Variants in MAD2L1BP observed in about 807,000 individuals in gnomAD.
The protein encoded by MAD2L1BP is MAD2L1-binding protein.
In MAD2L1BP, 22 loss-of-function variants were observed where a neutral mutation model predicts 28.4. The observed-to-expected ratio is 0.77, with a 90% CI of 0.55 to 1.10. The LOEUF (loss-of-function observed/expected upper bound fraction) is 1.10, where lower values mean the gene tolerates loss of function less well. Among genes scored for constraint, MAD2L1BP ranks in the 50% least tolerant of loss-of-function variants. MAD2L1BP has a pLI of 0.00. For missense variants in MAD2L1BP, 325 were observed against 350.5 expected, an observed-to-expected ratio of 0.93 and a Z score of 0.58; for synonymous variants, 146 against 133.7, an observed-to-expected ratio of 1.09 and a Z score of -0.63.
exon 1 of MAD2L1BP, chr6:43,629,699 T>A (rs1769773346): frequency 6.5e-7 from 1 of 1,546,300 alleles, no homozygotes; most frequent in African/African-American, 1.4e-5. Context: ...GAACTGAGGC[T>A]ACTGGTGCCG....
At chr6:43,633,172 CTT>C (rs547697381), upstream of MAD2L1BP, 7,204 of 374,800 alleles carry the variant, frequency 0.019, no homozygotes, top group East Asian at 0.028. Context: ...AATCATTGTA[CTT>C]TTTTTTTTTT....
intron 1 of MAD2L1BP, among the ~76,000 whole-genome samples, chr6:43,630,360 A>T (rs761933032): frequency 3.9e-5 from 6 of 152,158 alleles, no homozygotes; most frequent in Non-Finnish European, 5.9e-5. Flanking sequence ...TCACAGCCGC[A>T]TGGCTGTCTC....
chr6:43,629,662 A>C, exon 1 of MAD2L1BP: 1 of 1,402,172 alleles, frequency 7.1e-7, no homozygotes, highest in East Asian at 2.5e-5. Context: ...GATCCTAGAC[A>C]ACAGGTTTTG....
At chr6:43,636,225 C>T (rs1770210794) in intron 1 of MAD2L1BP, among the ~76,000 whole-genome samples, 156 bp from the exon 2 acceptor site, 1 of 152,216 alleles carries the variant, frequency 6.6e-6, no homozygotes, top group Admixed American at 6.5e-5. Context: ...GAATCTCTCC[C>T]TGCCACGGCC....
chr6:43,636,246 G>A (rs1770212144), intron 1 of MAD2L1BP, 135 bp from the exon 2 acceptor site: 1 of 811,296 alleles, frequency 1.2e-6, no homozygotes, highest in African/African-American at 1.7e-5. Context: ...CATACTGTAG[G>A]CTGCGGAGGA....
chr6:43,636,320 G>A (rs1355260783), intron 1 of MAD2L1BP, 61 bp from the exon 2 acceptor site: 9 of 1,578,438 alleles, frequency 5.7e-6, no homozygotes, highest in Non-Finnish European at 6.9e-6. Context: ...CAGGGAATGA[G>A]AAGACTGACT....
chr6:43,630,741 TAAAAA>T (rs200805129), intron 1 of MAD2L1BP, among the ~76,000 whole-genome samples: 3,346 of 118,958 alleles, frequency 0.028, 67 homozygotes, highest in South Asian at 0.09. Context: ...AGACTCCAAC[TAAAAA>T]AAAAAAAAAA....
upstream of MAD2L1BP, chr6:43,635,812 G>C: frequency 7.0e-7 from 1 of 1,423,082 alleles, no homozygotes; most frequent in South Asian, 1.5e-5. Context: ...GGAGGCGCGG[G>C]CTTCCCATGA....
At chr6:43,634,487 GAATGGTAC>G (rs1205655852), upstream of MAD2L1BP, among the ~76,000 whole-genome samples, 6 of 152,040 alleles carry the variant, frequency 3.9e-5, no homozygotes, top group African/African-American at 1.4e-4. Context: ...CTCTGTCATT[GAATGGTAC>G]AATTTCCCAT....
At chr6:43,638,128 C>T (rs1221276992) in intron 2 of MAD2L1BP, among the ~76,000 whole-genome samples, 1 of 152,090 alleles carries the variant, frequency 6.6e-6, no homozygotes, top group Non-Finnish European at 1.5e-5. Context: ...AAACTCCTGA[C>T]CTCAAGTGAT....
intron 1 of MAD2L1BP, 88 bp from the exon 2 acceptor site, chr6:43,636,293 G>A: frequency 7.2e-7 from 1 of 1,384,998 alleles, no homozygotes; most frequent in Non-Finnish European, 1.0e-6. Context: ...TTTTCAGGGT[G>A]GCTGGTTTGT....
chr6:43,638,864 T>G (rs1307477280), intron 2 of MAD2L1BP, among the ~76,000 whole-genome samples: 1 of 152,068 alleles, frequency 6.6e-6, no homozygotes, highest in African/African-American at 2.4e-5. Flanking sequence ...GCTGATAGAC[T>G]TCACTATAAG....
At chr6:43,635,756 C>A, upstream of MAD2L1BP, 1 of 1,032,992 alleles carries the variant, frequency 9.7e-7, no homozygotes, top group Non-Finnish European at 1.3e-6. Flanking sequence ...CTCCCCCACA[C>A]TGCGGCGACG....
At chr6:43,637,455 T>C (rs1770300406) in intron 2 of MAD2L1BP, among the ~76,000 whole-genome samples, 1 of 147,926 alleles carries the variant, frequency 6.8e-6, no homozygotes, top group Non-Finnish European at 1.5e-5. Context: ...AGACAGAGTC[T>C]CGCCTTGTCA....
chr6:43,640,195 G>A lies in MAD2L1BP; in HGVS notation c.487G>A (p.Glu163Lys), dbSNP rs375778237. Residue 163 changes from glutamate to lysine, a missense_variant, in exon 3 of 3, where the codon GAG becomes AAG. By Grantham distance (56) the Glu-to-Lys change is moderately conservative. Transcript: ENST00000372171. Reference sequence around the variant, plus strand: ...TGGGGGCAATGCCCTAAGCCCCAAGGAGTTCTATGAACTCGACTTGTCTCT... The same window carrying A: ...TGGGGGCAATGCCCTAAGCCCCAAGAAGTTCTATGAACTCGACTTGTCTCT... ...LLGGNALSPK[E>K]FYELDLSLLA... The A allele has an allele frequency of 4.3e-6, 7 of 1,613,812 alleles. No individual in the cohort carries two copies. In the African/African-American group the frequency reaches 9.3e-5, roughly 22 times the overall value.
rs1236749414 is a variant in MAD2L1BP, at chr6:43,636,380, G to T, written c.47-1G>T. Reference sequence around the variant, plus strand: ...CTCTTGTCCCTCTTTTCATCTACCAGATTTGGAGTGGTATGAGAAGTCCGA... The same window carrying T: ...CTCTTGTCCCTCTTTTCATCTACCATATTTGGAGTGGTATGAGAAGTCCGA... On this transcript the variant is annotated splice_acceptor_variant, in intron 1 of 2. Transcript: ENST00000372171. LOFTEE classifies it high-confidence loss of function. 6.2e-7 allele frequency: 1 copy of T among 1,613,856 alleles called. No homozygotes were observed. Among genetic ancestry groups the T allele is most frequent in the Non-Finnish European group, 8.5e-7 (1 of 1,179,944 alleles).
At chr6:43,636,183 T>TCGATTAAA (rs1260221672) in intron 1 of MAD2L1BP, among the ~76,000 whole-genome samples, 198 bp from the exon 2 acceptor site, 1 of 152,086 alleles carries the variant, frequency 6.6e-6, no homozygotes, top group East Asian at 1.9e-4. Flanking sequence ...TATCTTGCAG[T>TCGATTAAA]CGATTAAATC....
chr6:43,636,260 G>A, intron 1 of MAD2L1BP, 121 bp from the exon 2 acceptor site: 4 of 905,236 alleles, frequency 4.4e-6, no homozygotes, highest in Non-Finnish European at 6.8e-6. Flanking sequence ...CGGAGGATAT[G>A]GGCGTATGTC....
chr6:43,635,761 G>A, upstream of MAD2L1BP: 2 of 1,098,822 alleles, frequency 1.8e-6, no homozygotes, highest in Non-Finnish European at 2.5e-6. Context: ...CCACACTGCG[G>A]CGACGCCGCG....
Sources: gnomAD v4.1 joint callset for allele counts (sites outside exome capture counted in the v4.1 genomes callset) on GRCh38, gnomAD v4.1.1 for gene constraint, MANE v1.5 for transcripts, NCBI Gene and HGNC (gene_info 2026-07-23, HGNC 2026-07-21) for gene names.